Variants in IGSF11 observed in about 807,000 individuals in gnomAD.
The protein encoded by IGSF11 is immunoglobulin superfamily member 11.
A neutral mutation model predicts 41.0 loss-of-function variants in IGSF11; 22 were observed. The ratio of observed to expected loss-of-function variants is 0.54; its 90% CI spans 0.38 to 0.77. The LOEUF (loss-of-function observed/expected upper bound fraction) is 0.77, where lower values mean the gene tolerates loss of function less well. Among genes scored for constraint, IGSF11 ranks in the 30% least tolerant of loss-of-function variants. The pLI, the probability that IGSF11 is intolerant of heterozygous loss-of-function variation, is 0.00. For synonymous variants in IGSF11, 219 were observed against 201.3 expected, an observed-to-expected ratio of 1.09 and a Z score of -0.74; for missense variants, 444 against 530.8, an observed-to-expected ratio of 0.84 and a Z score of 1.61.
intron 1 of IGSF11, among the ~76,000 whole-genome samples, chr3:119,055,102 C>A (rs1232227191): frequency 6.6e-6 from 1 of 152,280 alleles, no homozygotes; most frequent in East Asian, 1.9e-4. Context: ...ATCCAACAGA[C>A]CTGCAGCTGA....
chr3:118,929,304 C>T (rs1358364411), intron 2 of IGSF11, among the ~76,000 whole-genome samples: 1 of 152,182 alleles, frequency 6.6e-6, no homozygotes, highest in African/African-American at 2.4e-5. Flanking sequence ...TACTCAAGCT[C>T]TTTACTTAAA....
intron 1 of IGSF11, among the ~76,000 whole-genome samples, chr3:119,100,906 A>G (rs146757833): frequency 2.7e-3 from 418 of 152,362 alleles, no homozygotes; most frequent in African/African-American, 9.4e-3. Flanking sequence ...ACAGAATTCT[A>G]CAGAGGGAGA....
chr3:119,121,836 A>G (rs1456804669), intron 1 of IGSF11, among the ~76,000 whole-genome samples: 1 of 152,174 alleles, frequency 6.6e-6, no homozygotes, highest in African/African-American at 2.4e-5. Flanking sequence ...ACCATGTACA[A>G]GGAATCCTCA....
intron 1 of IGSF11, among the ~76,000 whole-genome samples, chr3:118,969,278 A>G (rs930370978): frequency 1.3e-5 from 2 of 152,254 alleles, no homozygotes; most frequent in African/African-American, 4.8e-5. Flanking sequence ...TCAGGGCTGA[A>G]CCAAGAAAAC....
intron 1 of IGSF11, among the ~76,000 whole-genome samples, chr3:119,110,455 C>T (rs1312237977): frequency 1.3e-5 from 2 of 152,172 alleles, no homozygotes; most frequent in Admixed American, 6.6e-5. Flanking sequence ...AGATCTTCCT[C>T]CACCCTTTTA....
At chr3:118,961,673 T>C (rs973663036) in intron 1 of IGSF11, among the ~76,000 whole-genome samples, 3 of 152,212 alleles carry the variant, frequency 2.0e-5, no homozygotes, top group African/African-American at 7.2e-5. Flanking sequence ...ATCCAGTGGA[T>C]ACTAAGGGTA....
intron 1 of IGSF11, among the ~76,000 whole-genome samples, chr3:119,093,427 C>A (rs886142043): frequency 6.6e-6 from 1 of 151,740 alleles, no homozygotes; most frequent in African/African-American, 2.4e-5. Flanking sequence ...TTAAACCTGA[C>A]CGTTAAACTT....
At chr3:118,948,500 G>T (rs1391636400) in intron 1 of IGSF11, 1 of 152,174 alleles carries the variant, frequency 6.6e-6, no homozygotes. Context: ...AGTTAAGTGG[G>T]GAAAAGGTCT....
intron 1 of IGSF11, among the ~76,000 whole-genome samples, chr3:119,065,895 A>T (rs1942218113): frequency 1.3e-5 from 2 of 151,616 alleles, no homozygotes; most frequent in Non-Finnish European, 2.9e-5. Context: ...ACAAATTCTT[A>T]GAAGAATTTA....
chr3:119,085,030 T>C (rs1346561491), intron 1 of IGSF11, among the ~76,000 whole-genome samples: 1 of 152,192 alleles, frequency 6.6e-6, no homozygotes, highest in Non-Finnish European at 1.5e-5. Context: ...ATCTCCCTAC[T>C]GGACCTCTTC....
rs774204626 is a variant in IGSF11 at position 119,105,177 on chromosome 3, G to A, written c.16C>T (p.Leu6Phe). The A allele has an allele frequency of 1.7e-5, 28 of 1,608,188 alleles. No individual in the cohort carries two copies. The highest frequency in any genetic ancestry group is 2.1e-5 in the Non-Finnish European group (25 of 1,176,232). Reference sequence around the variant, plus strand: ...GAAAAGCAGTTCCACCAGAGCAAAAGTTCCACCAGAGACATTTATTCTTCT... The same window carrying A: ...GAAAAGCAGTTCCACCAGAGCAAAAATTCCACCAGAGACATTTATTCTTCT... Residue 6 changes from leucine (L) to phenylalanine (F), a missense_variant, in exon 1 of 7, where the codon CTT (leucine) becomes TTT (phenylalanine). Transcript: ENST00000354673.
At chr3:118,957,650 A>C (rs565100373) in intron 1 of IGSF11, among the ~76,000 whole-genome samples, 1 of 152,326 alleles carries the variant, frequency 6.6e-6, no homozygotes, top group Non-Finnish European at 1.5e-5. Flanking sequence ...ATCACTATTT[A>C]TTTCACAAGC....
intron 1 of IGSF11, among the ~76,000 whole-genome samples, chr3:118,959,184 T>C (rs1945165036): frequency 6.6e-6 from 1 of 152,166 alleles, no homozygotes; most frequent in African/African-American, 2.4e-5. Flanking sequence ...GTAGAAGAGT[T>C]TTCTTTAGAC....
chr3:119,100,726 G>A lies in IGSF11; in HGVS notation c.49+4418C>T, dbSNP rs187930569. Among the ~76,000 whole-genome samples the A allele has an allele frequency of 1.9e-3, 284 of 152,254 alleles. 2 individuals carry two copies. Among genetic ancestry groups the A allele is most frequent in the African/African-American group, 6.2e-3 (259 of 41,544 alleles). On this transcript the variant is annotated intron_variant, in intron 1 of 6. Coordinates refer to the IGSF11 transcript ENST00000354673. ...GGGCTGGACCATGAGACGTTTCTAA[G>A]GTTCATTTTAGATCTAAAGTGTATG...
At chr3:118,904,835 G>GA in intron 5 of IGSF11, 37 bp from the exon 6 acceptor site, 2 of 1,544,458 alleles carry the variant, frequency 1.3e-6, no homozygotes, top group Non-Finnish European at 1.8e-6. Flanking sequence ...AAAGAAAAGA[G>GA]AAAGAGAGAA....
intron 1 of IGSF11, among the ~76,000 whole-genome samples, chr3:118,943,600 T>C (rs1943882233): frequency 6.6e-6 from 1 of 152,252 alleles, no homozygotes; most frequent in African/African-American, 2.4e-5. Context: ...TGCTTAGCTT[T>C]CTAAAGGACT....
intron 1 of IGSF11, among the ~76,000 whole-genome samples, chr3:119,032,376 T>C (rs1940485426): frequency 6.6e-6 from 1 of 152,228 alleles, no homozygotes; most frequent in African/African-American, 2.4e-5. Flanking sequence ...GGTATTCTCC[T>C]GGAGACAGGT....
intron 1 of IGSF11, among the ~76,000 whole-genome samples, chr3:119,131,734 C>G (rs1367025155): frequency 6.6e-6 from 1 of 152,084 alleles, no homozygotes; most frequent in East Asian, 1.9e-4. Context: ...AGACTAACCC[C>G]AAGACACATA....
intron 4 of IGSF11, among the ~76,000 whole-genome samples, chr3:118,922,253 T>C (rs1476848908): frequency 1.3e-5 from 2 of 152,190 alleles, no homozygotes; most frequent in African/African-American, 2.4e-5. Context: ...TTGTGCATTA[T>C]GCAATTGTTT....
Sources: allele counts gnomAD v4.1 joint callset (sites outside exome capture counted in the v4.1 genomes callset), GRCh38; gene constraint gnomAD v4.1.1; transcripts MANE v1.5; gene names NCBI Gene and HGNC (gene_info 2026-07-23, HGNC 2026-07-21).